Variants in SHROOM2 observed in about 807,000 individuals in gnomAD.
The protein encoded by SHROOM2 is shroom family member 2, also known as protein Shroom2.
SHROOM2 carries 33 observed loss-of-function variants against 75.9 expected under a neutral mutation model. The ratio of observed to expected loss-of-function variants is 0.43; its 90% CI spans 0.33 to 0.58. The LOEUF is 0.58. SHROOM2 is among the 20% of genes least tolerant of loss of function. The pLI, the probability that SHROOM2 is intolerant of heterozygous loss-of-function variation, is 0.04. For missense variants in SHROOM2, 1,434 were observed against 1,461.2 expected (o/e 0.98, Z 0.30); for synonymous variants, 655 against 663.6 (o/e 0.99, Z 0.20).
Position 9,899,732 on chromosome X carries a change from A to G in SHROOM2, c.2891+1442A>G, listed in dbSNP as rs560327286. Reference sequence around the variant, plus strand: ...AGAAAGGCCGACGAATAATCCACCTACAGAATTTAGCTGTGTCTGAGAAGC... The same window carrying G: ...AGAAAGGCCGACGAATAATCCACCTGCAGAATTTAGCTGTGTCTGAGAAGC... On this transcript the variant is annotated intron_variant, in intron 5 of 9. Transcript: ENST00000380913. Among the ~76,000 whole-genome samples the G allele has an allele frequency of 7.1e-5, 8 of 112,404 alleles. No individual in the cohort carries two copies. The East Asian group carries it at 2.0e-3, about 27-fold the overall frequency.
At chrX:9,804,278 A>G (rs1260809182) in intron 1 of SHROOM2, among the ~76,000 whole-genome samples, 3 of 111,507 alleles carry the variant, frequency 2.7e-5, no homozygotes, top group Non-Finnish European at 5.6e-5. Context: ...GGCTGGGTGC[A>G]GTCAGCTCTG....
intron 5 of SHROOM2, among the ~76,000 whole-genome samples, chrX:9,898,817 C>T (rs140654466): frequency 0.014 from 1,557 of 111,892 alleles, 39 homozygotes; most frequent in African/African-American, 0.049. Flanking sequence ...GAGTTAGTCA[C>T]CTCCCAAAGA....
At chrX:9,936,838 G>C (rs948081313) in intron 6 of SHROOM2, among the ~76,000 whole-genome samples, 1 of 112,313 alleles carries the variant, frequency 8.9e-6, no homozygotes, top group Middle Eastern at 4.2e-3. Flanking sequence ...GTATTAAATA[G>C]TCCTCACAGC....
chrX:9,861,428 C>T lies in SHROOM2; in HGVS notation c.166-12224C>T, dbSNP rs148182020. Reference sequence around the variant, plus strand: ...CAAGTGATCCTCCTCCATTGGCCTCCCAAAGCACTGGGATTACAGATGTGA... The same window carrying T: ...CAAGTGATCCTCCTCCATTGGCCTCTCAAAGCACTGGGATTACAGATGTGA... On this transcript the variant is annotated intron_variant, in intron 1 of 9. Transcript: ENST00000380913. 7.6e-3 allele frequency among the ~76,000 whole-genome samples: 849 copies of T among 112,063 alleles called. 2 individuals carry two copies. The highest frequency in any genetic ancestry group is 0.023 in the Middle Eastern group (5 of 218).
chrX:9,868,575 G>A (rs986789270), intron 1 of SHROOM2, among the ~76,000 whole-genome samples: 4 of 108,818 alleles, frequency 3.7e-5, no homozygotes, highest in African/African-American at 1.0e-4. Flanking sequence ...ACAGGGTCTC[G>A]CTCTGTCACC....
intron 1 of SHROOM2, among the ~76,000 whole-genome samples, chrX:9,811,874 G>A (rs971581631): frequency 5.8e-4 from 65 of 111,749 alleles, no homozygotes; most frequent in African/African-American, 2.0e-3. Context: ...GGGTGGCAGA[G>A]TGGAGACCAT....
intron 1 of SHROOM2, among the ~76,000 whole-genome samples, chrX:9,817,794 G>A (rs895756585): frequency 1.8e-5 from 2 of 111,787 alleles, no homozygotes; most frequent in Non-Finnish European, 1.9e-5. Context: ...CTTACATCCT[G>A]TTGAAGACCT....
rs756427785 is a variant in SHROOM2 at position 9,937,500 on chromosome X, G to C, written c.3954G>C (p.Glu1318Asp). 1 of 1,211,964 alleles carries C rather than the reference G, an allele frequency of 8.3e-7. No individual in the cohort carries two copies. Among genetic ancestry groups the C allele is most frequent in the South Asian group, 1.8e-5 (1 of 56,982 alleles). ...CTGTGGAAGACCTGAAGTCGGAGGA[G>C]CTGGCCAGGGAGATCGTGGGGAAGG... Reference protein sequence around the residue: ...EKTVEDLKSEELAREIVGKDK... With the variant: ...EKTVEDLKSEDLAREIVGKDK... Residue 1318 changes from glutamate (E) to aspartate (D), a missense_variant, in exon 7 of 10, where the codon GAG becomes GAC. Around this residue, in one of 3 missense-constraint regions of SHROOM2, gnomAD observed 1,340 missense variants for 1,338.3 expected, o/e 1.00. Coordinates refer to ENST00000380913, the MANE Select transcript of SHROOM2 (RefSeq NM_001649.4).
At chrX:9,883,383 A>G (rs2084242653) in intron 2 of SHROOM2, among the ~76,000 whole-genome samples, 1 of 111,436 alleles carries the variant, frequency 9.0e-6, no homozygotes, top group South Asian at 3.8e-4. Flanking sequence ...GTAGAGGGGG[A>G]GGCTTGGGAG....
chrX:9,898,921 G>A (rs1183522065), intron 5 of SHROOM2, among the ~76,000 whole-genome samples: 1 of 111,444 alleles, frequency 9.0e-6, no homozygotes, highest in African/African-American at 3.3e-5. Context: ...CCGCTTAGTT[G>A]AGACAAGGAC....
At chrX:9,817,625 C>A (rs771566936) in intron 1 of SHROOM2, among the ~76,000 whole-genome samples, 1 of 112,348 alleles carries the variant, frequency 8.9e-6, no homozygotes, top group African/African-American at 3.2e-5. Flanking sequence ...CTAGGACACT[C>A]AGGTCATATT....
At position 9,888,313 on chromosome X, in the gene SHROOM2, G is replaced by A. The variant is rs73474578; in HGVS notation, c.318-2664G>A. ...CTTCCTTCTCTCCTGTGTCTGGTGC[G>A]TGGGGCCAGGAGGTTGGGCGACAGC... On this transcript the variant is annotated intron_variant, in intron 2 of 9. Transcript: ENST00000380913. 2.7e-3 allele frequency among the ~76,000 whole-genome samples: 300 copies of A among 112,224 alleles called. 2 individuals carry two copies. Among genetic ancestry groups the A allele is most frequent in the African/African-American group, 9.1e-3 (282 of 30,950 alleles).
At chrX:9,933,657 C>T (rs982659821) in intron 6 of SHROOM2, among the ~76,000 whole-genome samples, 9 of 112,016 alleles carry the variant, frequency 8.0e-5, no homozygotes, top group Non-Finnish European at 1.7e-4. Flanking sequence ...CCTATAGTCC[C>T]AGCTTCCCAG....
chrX:9,946,387 C>T (rs778626583), intron 9 of SHROOM2, among the ~76,000 whole-genome samples: 162 of 112,870 alleles, frequency 1.4e-3, no homozygotes, highest in African/African-American at 5.2e-3. Flanking sequence ...GCTCACCATT[C>T]GAGGCAGGTG....
In SHROOM2 at chrX:9,937,245, C is replaced by T; in HGVS notation, c.3699C>T (p.Ala1233=). The change falls in exon 7 of 10, where the codon GCC becomes GCT. Residue 1233 remains alanine, a synonymous_variant. Transcript: ENST00000380913. Reference sequence around the variant, plus strand: ...GCCGCCAGAGCCTGGCATGCCCCGCCGAGCCACCTGCCCTGCCCCACGGGC... The same window carrying T: ...GCCGCCAGAGCCTGGCATGCCCCGCTGAGCCACCTGCCCTGCCCCACGGGC... ...KESRQSLACP[A]EPPALPHGLE... The T allele has an allele frequency of 5.8e-6, 7 of 1,209,672 alleles. No homozygotes were observed. Among genetic ancestry groups the T allele is most frequent in the African/African-American group, 1.7e-5 (1 of 57,921 alleles).
At chrX:9,907,141 A>G (rs961394221) in intron 5 of SHROOM2, among the ~76,000 whole-genome samples, 3 of 111,478 alleles carry the variant, frequency 2.7e-5, no homozygotes, top group African/African-American at 9.8e-5. Flanking sequence ...GCCCTAAAGC[A>G]GGAAGCAAGA....
In SHROOM2 at chrX:9,937,557, T is replaced by C; in HGVS notation, c.4011T>C (p.Ser1337=). The change falls in exon 7 of 10, where the codon AGT becomes AGC. Residue 1337 remains serine (S), a synonymous_variant. Coordinates refer to ENST00000380913, the MANE Select transcript of SHROOM2 (RefSeq NM_001649.4). ...DKSLADILDP[S]VKIKTTMDLM... ...CCCTGGCCGACATCCTGGATCCCAG[T>C]GTGAAGATCAAAACCACTATGGACT... 2.5e-6 allele frequency: 3 copies of C among 1,211,504 alleles called. No individual in the cohort carries two copies. Among genetic ancestry groups the C allele is most frequent in the Non-Finnish European group, 3.4e-6 (3 of 895,384 alleles).
At chrX:9,804,801 C>T (rs904786474) in intron 1 of SHROOM2, among the ~76,000 whole-genome samples, 6 of 111,454 alleles carry the variant, frequency 5.4e-5, no homozygotes, top group South Asian at 3.8e-4. Context: ...GAGGGTGGAA[C>T]GTTGTAGGAA....
intron 1 of SHROOM2, among the ~76,000 whole-genome samples, chrX:9,824,979 G>A (rs1410177315): frequency 1.7e-4 from 19 of 111,481 alleles, no homozygotes; most frequent in African/African-American, 6.2e-4. Flanking sequence ...TGGCAGGGGT[G>A]CTGGGTTTGC....
Sources: allele counts gnomAD v4.1 joint callset (sites outside exome capture counted in the v4.1 genomes callset), GRCh38; gene constraint gnomAD v4.1.1; regional missense constraint gnomAD v4.1.1; transcripts MANE v1.5; gene names NCBI Gene and HGNC (gene_info 2026-07-23, HGNC 2026-07-21).